The following AFF3 variants were observed in gnomAD, a reference collection of about 807,000 sequenced individuals.
AFF3 encodes AF4/FMR2 family member 3.
AFF3 carries 32 observed loss-of-function variants against 129.7 expected under a neutral mutation model. That is an observed-to-expected ratio of 0.25 (90% confidence interval 0.19 to 0.33). The LOEUF (loss-of-function observed/expected upper bound fraction) is 0.33, where lower values mean the gene tolerates loss of function less well. AFF3 is among the 10% of genes least tolerant of loss of function. The probability of loss-of-function intolerance (pLI) is 1.00; values close to 1 mark genes in which losing one functional copy is unlikely to be tolerated. For missense variants in AFF3, 1,373 were observed against 1,592.0 expected (o/e 0.86, Z 2.34); for synonymous variants, 644 against 635.4 (o/e 1.01, Z -0.20).
At chr2:99,563,399 C>T (rs1487491413) in intron 20 of AFF3, among the ~76,000 whole-genome samples, 2 of 151,576 alleles carry the variant, frequency 1.3e-5, no homozygotes, top group Non-Finnish European at 2.9e-5. Flanking sequence ...ATCGTATTAG[C>T]CAGGATGGTC....
chr2:99,589,248 A>G (rs973341474), intron 15 of AFF3, among the ~76,000 whole-genome samples: 9 of 152,206 alleles, frequency 5.9e-5, no homozygotes, highest in African/African-American at 1.9e-4. Context: ...ACAAAGACTG[A>G]GCACCAGCAA....
chr2:99,566,740 T>C (rs578161483), intron 19 of AFF3, among the ~76,000 whole-genome samples: 2 of 152,214 alleles, frequency 1.3e-5, no homozygotes, highest in Non-Finnish European at 2.9e-5. Flanking sequence ...ATTCTAACTC[T>C]GGATTGCAGA....
intron 7 of AFF3, among the ~76,000 whole-genome samples, chr2:99,841,644 G>A (rs1287105522): frequency 6.6e-6 from 1 of 152,308 alleles, no homozygotes; most frequent in African/African-American, 2.4e-5. Flanking sequence ...ATGGGCCACA[G>A]TATCGTAGAA....
chr2:99,546,907 C>T lies in AFF3; in HGVS notation c.*4567G>A, dbSNP rs1316977868. ...CCATTGAGATGACCTTCTCAAGCTT[C>T]CTGTTGAGCCTTCACTGGGACACTG... On this transcript the variant is annotated 3_prime_UTR_variant, in exon 25 of 25. Transcript: ENST00000672756. 1 of 220,978 alleles carries T rather than the reference C, an allele frequency of 4.5e-6. No individual in the cohort carries two copies. Among genetic ancestry groups the T allele is most frequent in the Non-Finnish European group, 9.1e-6 (1 of 110,478 alleles). The allele number at this position is 220,978 out of a possible 1,614,324, so 13.7% of individuals were successfully genotyped here.
At chr2:99,893,583 C>CTTT (rs1321194368) in intron 7 of AFF3, among the ~76,000 whole-genome samples, 1 of 152,232 alleles carries the variant, frequency 6.6e-6, no homozygotes, top group Non-Finnish European at 1.5e-5. Flanking sequence ...TCACCAAACA[C>CTTT]TGAACCCTGC....
intron 19 of AFF3, among the ~76,000 whole-genome samples, 168 bp from the exon 20 acceptor site, chr2:99,565,791 A>T (rs1429941975): frequency 6.6e-6 from 1 of 152,228 alleles, no homozygotes; most frequent in East Asian, 1.9e-4. Context: ...TATTTTCTCA[A>T]ACTGCTACTG....
At chr2:99,703,528 C>T (rs1015450979) in intron 11 of AFF3, among the ~76,000 whole-genome samples, 3 of 152,154 alleles carry the variant, frequency 2.0e-5, no homozygotes, top group Admixed American at 6.5e-5. Flanking sequence ...CACCAATCTC[C>T]GTCTTTTAAT....
At chr2:99,814,284 G>A (rs1338353355) in intron 8 of AFF3, among the ~76,000 whole-genome samples, 1 of 152,004 alleles carries the variant, frequency 6.6e-6, no homozygotes, top group Non-Finnish European at 1.5e-5. Flanking sequence ...ATTTGTTCTG[G>A]GGGCTTGGGG....
At chr2:99,771,264 G>A (rs1174265274) in intron 8 of AFF3, among the ~76,000 whole-genome samples, 1 of 152,094 alleles carries the variant, frequency 6.6e-6, no homozygotes, top group African/African-American at 2.4e-5. Flanking sequence ...GCCTGCCATG[G>A]GGGATCATCA....
chr2:99,980,261 C>T (rs1679285937), intron 7 of AFF3, among the ~76,000 whole-genome samples: 1 of 152,198 alleles, frequency 6.6e-6, no homozygotes, highest in Admixed American at 6.5e-5. Flanking sequence ...CTGTCTGGTA[C>T]ACTTGGTTCT....
intron 11 of AFF3, among the ~76,000 whole-genome samples, chr2:99,682,043 A>G (rs911406141): frequency 1.3e-5 from 2 of 151,352 alleles, no homozygotes; most frequent in Admixed American, 6.6e-5. Context: ...AGTAGTTGGG[A>G]CTACAGGTGC....
At chr2:99,559,356 G>A (rs1334872319) in intron 21 of AFF3, among the ~76,000 whole-genome samples, 1 of 152,222 alleles carries the variant, frequency 6.6e-6, no homozygotes, top group East Asian at 1.9e-4. Flanking sequence ...AAAGGACGAC[G>A]CTGCCACCTG....
intron 7 of AFF3, among the ~76,000 whole-genome samples, chr2:99,902,120 A>G (rs1309450464): frequency 6.6e-6 from 1 of 151,688 alleles, no homozygotes; most frequent in Non-Finnish European, 1.5e-5. Flanking sequence ...TCAAGTATAG[A>G]TGTCTGACAT....
Position 99,673,004 on chromosome 2 carries a change from T to C in AFF3, c.1092-415A>G, listed in dbSNP as rs540209490. On this transcript the variant is annotated intron_variant, in intron 11 of 24. Coordinates refer to ENST00000672756, the MANE Select transcript of AFF3 (RefSeq NM_001386135.1). ...GATCATTACACATTGAATCCCTGTA[T>C]CAAAATATCACACGTACCTGAAAAT... is the stretch of plus-strand genomic sequence containing the variant. Among the ~76,000 whole-genome samples, 3 of 151,642 alleles carry C rather than the reference T, an allele frequency of 2.0e-5. No individual in the cohort carries two copies. The South Asian group carries it at 6.3e-4, about 32-fold the overall frequency.
intron 11 of AFF3, among the ~76,000 whole-genome samples, chr2:99,720,844 C>G (rs1056824729): frequency 6.6e-6 from 1 of 152,134 alleles, no homozygotes; most frequent in Admixed American, 6.5e-5. Flanking sequence ...TACCACACAT[C>G]TTTATCTTAT....
chr2:100,016,085 T>C (rs1054543254), intron 4 of AFF3, among the ~76,000 whole-genome samples: 29 of 151,322 alleles, frequency 1.9e-4, no homozygotes, highest in African/African-American at 5.6e-4. Flanking sequence ...ATGGTGATGG[T>C]GGTGGTAGTG....
At chr2:99,709,562 A>T (rs997226730) in intron 11 of AFF3, among the ~76,000 whole-genome samples, 5 of 152,174 alleles carry the variant, frequency 3.3e-5, no homozygotes, top group African/African-American at 1.2e-4. Context: ...TGGGTATTTT[A>T]AAAAAATTAT....
intron 8 of AFF3, among the ~76,000 whole-genome samples, chr2:99,790,516 G>C (rs928117239): frequency 1.3e-5 from 2 of 152,196 alleles, no homozygotes; most frequent in African/African-American, 4.8e-5. Context: ...TTATGGAGGA[G>C]TTTGCTTTTA....
chr2:100,079,091 T>C lies in AFF3; in HGVS notation c.53+25311A>G, dbSNP rs1335532322. Among the ~76,000 whole-genome samples, 5 of 151,804 alleles carry C rather than the reference T, an allele frequency of 3.3e-5. No individual in the cohort carries two copies. The East Asian group carries it at 7.8e-4, about 24-fold the overall frequency. On this transcript the variant is annotated intron_variant, in intron 4 of 24. Transcript: ENST00000672756. ...CCTCCCGAGTAGCTGAGACTATAGG[T>C]GCTCACCACCACGCCCGGCTAATTT...
Sources: allele counts gnomAD v4.1 joint callset (sites outside exome capture counted in the v4.1 genomes callset), GRCh38; gene constraint gnomAD v4.1.1; transcripts MANE v1.5; gene names NCBI Gene and HGNC (gene_info 2026-07-23, HGNC 2026-07-21).